SNTG1: variants seen among roughly 807,000 people sequenced by gnomAD.
SNTG1 encodes gamma-1-syntrophin.
SNTG1 carries 39 observed loss-of-function variants against 74.7 expected under a neutral mutation model. The observed-to-expected ratio is 0.52, with a 90% CI of 0.40 to 0.68. SNTG1 has a LOEUF of 0.68. Among genes scored for constraint, SNTG1 ranks in the 30% least tolerant of loss-of-function variants. The pLI, the probability that SNTG1 is intolerant of heterozygous loss-of-function variation, is 0.00. For missense variants in SNTG1, 685 were observed against 609.5 expected, an observed-to-expected ratio of 1.12 and a Z score of -1.30; for synonymous variants, 254 against 217.1, an observed-to-expected ratio of 1.17 and a Z score of -1.49.
chr8:49,923,946 A>T (rs1806790949), intron 1 of SNTG1, among the ~76,000 whole-genome samples: 2 of 152,182 alleles, frequency 1.3e-5, no homozygotes, highest in African/African-American at 4.8e-5. Flanking sequence ...ATGATACTGA[A>T]TCAAGACATT....
intron 1 of SNTG1, among the ~76,000 whole-genome samples, chr8:50,074,895 C>A (rs1184755385): frequency 6.6e-6 from 1 of 152,180 alleles, no homozygotes; most frequent in African/African-American, 2.4e-5. Context: ...TGTGCCCCGG[C>A]CGCACTCGCG....
At position 50,046,951 on chromosome 8, in the gene SNTG1, A is replaced by G. The variant is rs79592356; in HGVS notation, c.-102-125610A>G. ...AGTTACACTTTACTGTTCCAAAGAT[A>G]TTTAAAATGTCATTTATGTTATTAA... On this transcript the variant is annotated intron_variant, in intron 1 of 18. Coordinates refer to ENST00000642720, the MANE Select transcript of SNTG1 (RefSeq NM_018967.5). 4.1e-3 allele frequency among the ~76,000 whole-genome samples: 624 copies of G among 152,334 alleles called. 6 individuals carry two copies. The highest frequency in any genetic ancestry group is 0.014 in the African/African-American group (590 of 41,580).
Position 50,251,819 on chromosome 8 carries a change from A to C in SNTG1, c.-28+79184A>C, listed in dbSNP as rs143649364. 6.8e-3 allele frequency among the ~76,000 whole-genome samples: 1,028 copies of C among 152,184 alleles called. 11 individuals carry two copies. Among genetic ancestry groups the C allele is most frequent in the African/African-American group, 0.023 (971 of 41,546 alleles). ...AACAGATACTTTTAGACAGAACATT[A>C]ATAAAGAAACAACAGACTCAAACTA... On this transcript the variant is annotated intron_variant, in intron 2 of 18. Transcript: ENST00000642720.
chr8:50,395,067 G>A (rs988178298), intron 3 of SNTG1, among the ~76,000 whole-genome samples: 7 of 152,194 alleles, frequency 4.6e-5, no homozygotes, highest in African/African-American at 1.7e-4. Flanking sequence ...TCTTAACCTT[G>A]TGAAGACTGT....
At chr8:50,038,951 C>T (rs920686516) in intron 1 of SNTG1, among the ~76,000 whole-genome samples, 5 of 152,178 alleles carry the variant, frequency 3.3e-5, no homozygotes, top group Non-Finnish European at 5.9e-5. Context: ...GCATATAAGA[C>T]TTCATCCGTG....
At chr8:50,593,484 A>T (rs2094705643) in intron 13 of SNTG1, among the ~76,000 whole-genome samples, 1 of 152,156 alleles carries the variant, frequency 6.6e-6, no homozygotes, top group Non-Finnish European at 1.5e-5. Context: ...CAAGAAGAGG[A>T]CATGGTGCTA....
At chr8:50,464,752 A>G (rs1659219759) in intron 8 of SNTG1, among the ~76,000 whole-genome samples, 1 of 151,946 alleles carries the variant, frequency 6.6e-6, no homozygotes, top group African/African-American at 2.4e-5. Context: ...AAACAAACAA[A>G]CAAACAAAAA....
intron 9 of SNTG1, among the ~76,000 whole-genome samples, chr8:50,519,954 T>C (rs1585555770): frequency 6.6e-6 from 1 of 152,124 alleles, no homozygotes; most frequent in Admixed American, 6.5e-5. Flanking sequence ...AAATTTCATA[T>C]GGAACCAAAA....
intron 15 of SNTG1, among the ~76,000 whole-genome samples, chr8:50,667,354 A>G (rs2095255663): frequency 1.3e-5 from 2 of 152,058 alleles, no homozygotes; most frequent in Non-Finnish European, 1.5e-5. Context: ...TTCTGTTGCT[A>G]TAACTGAATA....
intron 12 of SNTG1, among the ~76,000 whole-genome samples, chr8:50,563,589 ATT>A (rs1220184667): frequency 6.6e-6 from 1 of 152,116 alleles, no homozygotes; most frequent in Non-Finnish European, 1.5e-5. Flanking sequence ...TTTTAAATAA[ATT>A]TTGTTTCTAT....
At chr8:50,453,948 A>T (rs1467594784) in intron 8 of SNTG1, among the ~76,000 whole-genome samples, 2 of 152,158 alleles carry the variant, frequency 1.3e-5, no homozygotes, top group Non-Finnish European at 2.9e-5. Context: ...AGACTGTGTG[A>T]AAAATGGGGA....
intron 1 of SNTG1, among the ~76,000 whole-genome samples, chr8:49,960,819 C>G (rs1585670506): frequency 6.6e-6 from 1 of 152,106 alleles, no homozygotes. Flanking sequence ...ATAGATGCAT[C>G]CTGCCCTCCT....
chr8:50,265,033 T>C (rs1375909648), intron 2 of SNTG1, among the ~76,000 whole-genome samples: 1 of 152,158 alleles, frequency 6.6e-6, no homozygotes, highest in Non-Finnish European at 1.5e-5. Context: ...ATAATGTTAC[T>C]GGTAAATCCT....
intron 1 of SNTG1, among the ~76,000 whole-genome samples, chr8:50,128,789 G>A (rs1417134484): frequency 6.6e-6 from 1 of 152,058 alleles, no homozygotes; most frequent in Non-Finnish European, 1.5e-5. Flanking sequence ...TTACAAAAAT[G>A]TTTGAATAGA....
At chr8:50,197,153 A>T (rs2083803149) in intron 2 of SNTG1, among the ~76,000 whole-genome samples, 1 of 152,106 alleles carries the variant, frequency 6.6e-6, no homozygotes, top group Non-Finnish European at 1.5e-5. Flanking sequence ...TTCCATATTT[A>T]TTTTTCTTTG....
chr8:50,456,022 C>T (rs953122256), intron 8 of SNTG1, among the ~76,000 whole-genome samples: 4 of 152,206 alleles, frequency 2.6e-5, no homozygotes, highest in South Asian at 2.1e-4. Flanking sequence ...AAATGTTTAG[C>T]GCAAAGACAA....
intron 1 of SNTG1, among the ~76,000 whole-genome samples, chr8:50,138,286 T>G (rs2081541557): frequency 6.6e-6 from 1 of 151,802 alleles, no homozygotes; most frequent in Non-Finnish European, 1.5e-5. Flanking sequence ...ATTGAAATAA[T>G]TCAGCATGAT....
rs1209666897 is a variant in SNTG1, at chr8:50,675,815, T to C, written c.1038+17152T>C. 2.0e-5 allele frequency among the ~76,000 whole-genome samples: 3 copies of C among 152,144 alleles called. No individual in the cohort carries two copies. The East Asian group carries it at 5.8e-4, about 29-fold the overall frequency. On this transcript the variant is annotated intron_variant, in intron 15 of 18. Coordinates refer to ENST00000642720, the MANE Select transcript of SNTG1 (RefSeq NM_018967.5). Reference sequence around the variant, plus strand: ...TGGTACCCGTTTTTCCTTTCCATATTTTGTGCTTCTTTTGGGAGCTCTTGT... The same window carrying C: ...TGGTACCCGTTTTTCCTTTCCATATCTTGTGCTTCTTTTGGGAGCTCTTGT...
At chr8:50,515,025 A>C (rs543179745) in intron 9 of SNTG1, among the ~76,000 whole-genome samples, 1 of 152,206 alleles carries the variant, frequency 6.6e-6, no homozygotes, top group Non-Finnish European at 1.5e-5. Flanking sequence ...TGTCTGGAAT[A>C]AATATGGTCA....
Sources: gnomAD v4.1 joint callset for allele counts (sites outside exome capture counted in the v4.1 genomes callset) on GRCh38, gnomAD v4.1.1 for gene constraint, MANE v1.5 for transcripts, NCBI Gene and HGNC (gene_info 2026-07-23, HGNC 2026-07-21) for gene names.